Variants in HDGFL2 observed in about 807,000 individuals in gnomAD.
The protein encoded by HDGFL2 is HDGF like 2.
Under a neutral mutation model 77.1 loss-of-function variants are expected in HDGFL2, and 36 were observed. That is an observed-to-expected ratio of 0.47 (90% CI 0.36 to 0.62). The LOEUF (loss-of-function observed/expected upper bound fraction) is 0.62. Among genes scored for constraint, HDGFL2 ranks in the 20% least tolerant of loss-of-function variants. The pLI is 0.00. For synonymous variants in HDGFL2, 463 were observed against 413.1 expected (o/e 1.12, Z -1.46); for missense variants, 976 against 973.4 (o/e 1.00, Z -0.04).
intron 12 of HDGFL2, among the ~76,000 whole-genome samples, 166 bp downstream of exon 12, chr19:4,498,542 C>T (rs2145215225): frequency 6.6e-6 from 1 of 152,304 alleles, no homozygotes; most frequent in East Asian, 1.9e-4. Flanking sequence ...GGCCAAGGGC[C>T]CTGGGGGAGC....
At chr19:4,495,649 A>G (rs1975683010) in intron 9 of HDGFL2, among the ~76,000 whole-genome samples, 1 of 151,846 alleles carries the variant, frequency 6.6e-6, no homozygotes, top group Non-Finnish European at 1.5e-5. Flanking sequence ...TTGGGCTTTG[A>G]CCCTGAGGGA....
At chr19:4,484,040 T>G (rs971437415) in intron 3 of HDGFL2, among the ~76,000 whole-genome samples, 2 of 151,220 alleles carry the variant, frequency 1.3e-5, no homozygotes, top group African/African-American at 4.9e-5. Context: ...CTGCCTGCCT[T>G]GGCCTCCCAA....
intron 15 of HDGFL2, 186 bp downstream of exon 15, chr19:4,501,503 T>A: frequency 1.6e-6 from 1 of 626,488 alleles, no homozygotes; most frequent in Non-Finnish European, 2.6e-6. Flanking sequence ...CGGCGGCCCC[T>A]ACAGAGAGGC....
At chr19:4,477,541 T>C (rs1975103741) in intron 3 of HDGFL2, among the ~76,000 whole-genome samples, 1 of 152,204 alleles carries the variant, frequency 6.6e-6, no homozygotes, top group African/African-American at 2.4e-5. Context: ...GATCTTTTTC[T>C]GGCCCCAGGT....
intron 6 of HDGFL2, among the ~76,000 whole-genome samples, 199 bp from the exon 7 acceptor site, chr19:4,493,504 C>T (rs1025528402): frequency 1.3e-5 from 2 of 152,106 alleles, no homozygotes; most frequent in African/African-American, 4.8e-5. Flanking sequence ...GCCCGGCGTG[C>T]CCAGGGCCGC....
intron 10 of HDGFL2, 78 bp from the exon 11 acceptor site, chr19:4,497,880 T>C: frequency 2.3e-6 from 3 of 1,315,346 alleles, no homozygotes; most frequent in Non-Finnish European, 3.2e-6. Context: ...TGGGTTTGGG[T>C]CCACCCCTTC....
In HDGFL2 at chr19:4,493,814, T is replaced by G; in HGVS notation, c.790T>G (p.Ser264Ala). ...ASSSSSSSSSSDSDVSVKKPP... is the reference protein window; with the variant it reads ...ASSSSSSSSSADSDVSVKKPP... ...CTCCTCCTCCTCTTCCTCCTCCTCCTCCGACTCCGATGTGTCTGTGAAGAA... is the reference window on the plus strand; with the variant it reads ...CTCCTCCTCCTCTTCCTCCTCCTCCGCCGACTCCGATGTGTCTGTGAAGAA... The change falls in exon 7 of 16, where the codon TCC (serine) becomes GCC (alanine). Residue 264 changes from serine to alanine, a missense_variant. Coordinates refer to ENST00000616600, the MANE Select transcript of HDGFL2 (RefSeq NM_001001520.3). 6.5e-7 allele frequency: 1 copy of G among 1,535,748 alleles called. No individual in the cohort carries two copies. Among genetic ancestry groups the G allele is most frequent in the Non-Finnish European group, 8.8e-7 (1 of 1,137,476 alleles).
intron 9 of HDGFL2, 71 bp downstream of exon 9, chr19:4,494,546 G>A (rs879431585): frequency 1.6e-5 from 18 of 1,156,796 alleles, no homozygotes; most frequent in African/African-American, 3.2e-5. Flanking sequence ...TAGGTAGGAG[G>A]CAGTATCCCA....
rs755918966 is a variant in HDGFL2 at position 4,501,965 on chromosome 19, C to T, written c.1971C>T (p.Arg657=). 36 of 1,505,992 alleles carry T rather than the reference C, an allele frequency of 2.4e-5. No homozygotes were observed. In the Admixed American group the frequency reaches 2.5e-4, roughly 11 times the overall value. 93.3% of individuals were successfully genotyped at this position (1,505,992 alleles called of 1,614,324 possible). The stretch of plus-strand genomic sequence containing the variant: ...GGCCTGGGAGCGACCGGCAGGAGCG[C>T]GAGAGGGCACGGGGGGACTCGGAGG... ...LDRPGSDRQE[R]ERARGDSEAL... Residue 657 remains arginine, a synonymous_variant, in exon 16 of 16, where the codon CGC becomes CGT. Coordinates refer to ENST00000616600, the MANE Select transcript of HDGFL2 (RefSeq NM_001001520.3).
At chr19:4,494,629 G>A (rs886163955) in intron 9 of HDGFL2, among the ~76,000 whole-genome samples, 154 bp downstream of exon 9, 2 of 152,192 alleles carry the variant, frequency 1.3e-5, no homozygotes, top group African/African-American at 2.4e-5. Context: ...ACATTCATGG[G>A]AGGGAGGGGG....
chr19:4,478,181 T>G (rs1403276863), intron 3 of HDGFL2, among the ~76,000 whole-genome samples: 1 of 149,164 alleles, frequency 6.7e-6, no homozygotes, highest in Non-Finnish European at 1.5e-5. Context: ...TGCCAAGTTT[T>G]GTCCCGGATG....
At chr19:4,478,004 C>T (rs996237593) in intron 3 of HDGFL2, among the ~76,000 whole-genome samples, 2 of 144,850 alleles carry the variant, frequency 1.4e-5, no homozygotes, top group African/African-American at 2.5e-5. Flanking sequence ...TGCTTCAACG[C>T]GGGAGGGAGA....
At chr19:4,491,525 G>A (rs776263123) in intron 4 of HDGFL2, 41 bp from the exon 5 acceptor site, 20 of 1,576,890 alleles carry the variant, frequency 1.3e-5, no homozygotes, top group African/African-American at 6.8e-5. Flanking sequence ...CCAGGAGCCC[G>A]GCCTTCCCAT....
intron 4 of HDGFL2, among the ~76,000 whole-genome samples, chr19:4,489,857 A>G (rs934540971): frequency 1.3e-5 from 2 of 151,970 alleles, no homozygotes; most frequent in African/African-American, 4.8e-5. Flanking sequence ...ATTCCAGGAG[A>G]TTTCCGTCAC....
At chr19:4,496,726 G>A (rs972581102) in intron 10 of HDGFL2, among the ~76,000 whole-genome samples, 2 of 152,026 alleles carry the variant, frequency 1.3e-5, no homozygotes, top group Non-Finnish European at 2.9e-5. Flanking sequence ...TGAGGGCCCT[G>A]TAGTGCCCAG....
At position 4,500,471 on chromosome 19, in the gene HDGFL2, T is replaced by G. The variant is rs1045894045; in HGVS notation, c.1790-720T>G. Reference sequence around the variant, plus strand: ...CTGCTAATTTTTTTTTTTTTTTTTTTTTTTTTTGAGACGGAGTCTTGCTCT... The same window carrying G: ...CTGCTAATTTTTTTTTTTTTTTTTTGTTTTTTTGAGACGGAGTCTTGCTCT... On this transcript the variant is annotated intron_variant, in intron 14 of 15. Coordinates refer to ENST00000616600, the MANE Select transcript of HDGFL2 (RefSeq NM_001001520.3). Among the ~76,000 whole-genome samples, 98 of 145,942 alleles carry G rather than the reference T, an allele frequency of 6.7e-4. 1 individual carries two copies. Among genetic ancestry groups the G allele is most frequent in the Non-Finnish European group, 9.8e-4 (65 of 66,608 alleles).
At chr19:4,490,656 G>A (rs373669488) in intron 4 of HDGFL2, among the ~76,000 whole-genome samples, 41 of 152,280 alleles carry the variant, frequency 2.7e-4, no homozygotes, top group African/African-American at 9.1e-4. Context: ...ATAGAGTCAC[G>A]TGTACTTTGT....
intron 1 of HDGFL2, 100 bp from the exon 2 acceptor site, chr19:4,475,175 C>T (rs1975039226): frequency 3.1e-6 from 3 of 973,226 alleles, no homozygotes; most frequent in Non-Finnish European, 4.8e-6. Context: ...TGAAGGCTCC[C>T]CTCCTCCCAG....
chr19:4,500,015 G>A (rs916776191), intron 14 of HDGFL2, among the ~76,000 whole-genome samples: 2 of 143,884 alleles, frequency 1.4e-5, no homozygotes, highest in African/African-American at 5.2e-5. Context: ...GCCCAGAGAG[G>A]GGGGTGGCTC....
Sources: allele counts gnomAD v4.1 joint callset (sites outside exome capture counted in the v4.1 genomes callset), GRCh38; gene constraint gnomAD v4.1.1; transcripts MANE v1.5; gene names NCBI Gene and HGNC (gene_info 2026-07-23, HGNC 2026-07-21).